ATP6V1H: variants seen among roughly 807,000 people sequenced by gnomAD.
ATP6V1H encodes ATPase H+ transporting V1 subunit H.
A neutral mutation model predicts 71.7 loss-of-function variants in ATP6V1H; 39 were observed. That is an observed-to-expected ratio of 0.54 (90% confidence interval 0.42 to 0.71). ATP6V1H has a LOEUF of 0.71. Ranked by LOEUF, ATP6V1H falls within the 30% of genes least tolerant of loss-of-function variation. The probability of loss-of-function intolerance (pLI) is 0.00; values close to 1 mark genes in which losing one functional copy is unlikely to be tolerated. For missense variants in ATP6V1H, 509 were observed against 594.9 expected (o/e 0.86, Z 1.50); for synonymous variants, 192 against 199.3 (o/e 0.96, Z 0.31).
chr8:53,768,873 T>C (rs1808556960), intron 11 of ATP6V1H, among the ~76,000 whole-genome samples: 2 of 152,120 alleles, frequency 1.3e-5, no homozygotes, highest in South Asian at 2.1e-4. Context: ...TATCTGAATA[T>C]ACTAAAAACC....
chr8:53,816,521 G>C (rs1279571633), intron 5 of ATP6V1H, among the ~76,000 whole-genome samples: 1 of 152,094 alleles, frequency 6.6e-6, no homozygotes, highest in African/African-American at 2.4e-5. Flanking sequence ...GTGTAGGCCG[G>C]GTGCAGTGCC....
At chr8:53,820,819 T>TA (rs1035976805) in intron 4 of ATP6V1H, among the ~76,000 whole-genome samples, 7 of 151,046 alleles carry the variant, frequency 4.6e-5, no homozygotes, top group African/African-American at 1.7e-4. Flanking sequence ...CTGTCTCTAC[T>TA]AAAAAAACAA....
At chr8:53,837,681 C>T (rs1481161986) in intron 2 of ATP6V1H, among the ~76,000 whole-genome samples, 3 of 152,146 alleles carry the variant, frequency 2.0e-5, no homozygotes, top group East Asian at 3.9e-4. Flanking sequence ...GAGCTGTGAG[C>T]GAGGGGGCAT....
intron 13 of ATP6V1H, among the ~76,000 whole-genome samples, 159 bp from the exon 14 acceptor site, chr8:53,716,183 C>G (rs1806418415): frequency 6.6e-6 from 1 of 152,216 alleles, no homozygotes; most frequent in African/African-American, 2.4e-5. Context: ...TTCCAAAGTA[C>G]TTGTGCTGTA....
chr8:53,791,044 C>G (rs1809548403), intron 9 of ATP6V1H, among the ~76,000 whole-genome samples: 1 of 151,264 alleles, frequency 6.6e-6, no homozygotes, highest in Non-Finnish European at 1.5e-5. Context: ...AATAAAGGCT[C>G]CTGTGACAAT....
intron 9 of ATP6V1H, 79 bp from the exon 10 acceptor site, chr8:53,772,246 T>C (rs560027488): frequency 5.3e-6 from 6 of 1,122,204 alleles, no homozygotes; most frequent in Non-Finnish European, 7.5e-6. Context: ...CATTCTTTTA[T>C]AGTCTCTCTC....
chr8:53,743,306 C>T (rs1807478868), intron 13 of ATP6V1H, among the ~76,000 whole-genome samples: 1 of 152,202 alleles, frequency 6.6e-6, no homozygotes, highest in Non-Finnish European at 1.5e-5. Context: ...AAAGGACTGA[C>T]TGACTTATGT....
chr8:53,744,436 AG>A (rs1159616875), intron 12 of ATP6V1H, among the ~76,000 whole-genome samples: 9 of 152,366 alleles, frequency 5.9e-5, no homozygotes, highest in African/African-American at 1.9e-4. Context: ...GTGTGGTTAC[AG>A]ACAGAGCTGT....
chr8:53,728,875 C>T lies in ATP6V1H; in HGVS notation c.1392-12851G>A, dbSNP rs1194769200. Among the ~76,000 whole-genome samples, 6 of 152,240 alleles carry T rather than the reference C, an allele frequency of 3.9e-5. 1 individual carries two copies. The South Asian group carries it at 6.2e-4, about 16-fold the overall frequency. The stretch of plus-strand genomic sequence containing the variant: ...CTCGGTCCTATCTAAGCATGCAACA[C>T]ACTGTGCTGTCATTTTCTGTACTTG... On this transcript the variant is annotated intron_variant, in intron 13 of 13. Coordinates refer to ENST00000359530, the MANE Select transcript of ATP6V1H (RefSeq NM_015941.4).
chr8:53,719,438 G>C (rs141660971), intron 13 of ATP6V1H, among the ~76,000 whole-genome samples: 664 of 152,306 alleles, frequency 4.4e-3, no homozygotes, highest in South Asian at 0.015. Context: ...CAAAGTGCTA[G>C]GATCACTGCA....
intron 11 of ATP6V1H, among the ~76,000 whole-genome samples, chr8:53,766,695 C>T (rs1319710266): frequency 6.6e-6 from 1 of 152,194 alleles, no homozygotes; most frequent in Non-Finnish European, 1.5e-5. Flanking sequence ...GTACCTGTCT[C>T]TTATGGTTGA....
intron 7 of ATP6V1H, among the ~76,000 whole-genome samples, chr8:53,808,266 G>A (rs1247297492): frequency 6.6e-6 from 1 of 152,230 alleles, no homozygotes; most frequent in Non-Finnish European, 1.5e-5. Context: ...AGGAATCACA[G>A]TATTCTTTCA....
At chr8:53,840,071 C>G (rs533562570) in intron 2 of ATP6V1H, 1 of 264,548 alleles carries the variant, frequency 3.8e-6, no homozygotes, top group South Asian at 1.4e-4. Flanking sequence ...TGCCACATGG[C>G]TAAATACCCA....
intron 6 of ATP6V1H, among the ~76,000 whole-genome samples, chr8:53,813,030 A>G (rs1255166874): frequency 6.6e-6 from 1 of 152,186 alleles, no homozygotes; most frequent in South Asian, 2.1e-4. Context: ...AGATCATTTC[A>G]AAGCAGGAAA....
At position 53,783,431 on chromosome 8, in the gene ATP6V1H, C is replaced by T. The variant is rs978146352; in HGVS notation, c.871-11264G>A. ...TATTGTGTCTATTTGATTCTTCTCT[C>T]TTTTCTTCTTTATTAGTCTTGCTAG... On this transcript the variant is annotated intron_variant, in intron 9 of 13. Transcript: ENST00000359530. 2.1e-3 allele frequency among the ~76,000 whole-genome samples: 317 copies of T among 152,222 alleles called. 1 individual carries two copies. Among genetic ancestry groups the T allele is most frequent in the African/African-American group, 7.4e-3 (307 of 41,500 alleles).
chr8:53,733,296 G>A (rs990337718), intron 13 of ATP6V1H, among the ~76,000 whole-genome samples: 2 of 152,174 alleles, frequency 1.3e-5, no homozygotes, highest in African/African-American at 2.4e-5. Context: ...GGAAGATCCG[G>A]GGTCAGGTGT....
At chr8:53,820,465 C>T (rs977859747) in intron 4 of ATP6V1H, among the ~76,000 whole-genome samples, 1 of 151,490 alleles carries the variant, frequency 6.6e-6, no homozygotes, top group African/African-American at 2.4e-5. Context: ...AAGAAACTGC[C>T]AGCCTTGGCA....
chr8:53,824,840 T>C (rs953510031), intron 4 of ATP6V1H, among the ~76,000 whole-genome samples: 6 of 151,870 alleles, frequency 4.0e-5, no homozygotes, highest in Admixed American at 1.3e-4. Flanking sequence ...AAATTTTAAT[T>C]AAAATTTATA....
At chr8:53,768,284 T>C (rs999363153) in intron 11 of ATP6V1H, among the ~76,000 whole-genome samples, 1 of 152,088 alleles carries the variant, frequency 6.6e-6, no homozygotes, top group Admixed American at 6.5e-5. Flanking sequence ...AAGGTCATAA[T>C]AAACGTTGGC....
Sources: allele counts gnomAD v4.1 joint callset (sites outside exome capture counted in the v4.1 genomes callset), GRCh38; gene constraint gnomAD v4.1.1; transcripts MANE v1.5; gene names NCBI Gene and HGNC (gene_info 2026-07-23, HGNC 2026-07-21).